Variants in SYNPR observed in about 807,000 individuals in gnomAD.
SYNPR encodes the protein synaptoporin.
SYNPR carries 23 observed loss-of-function variants against 32.9 expected under a neutral mutation model. The observed-to-expected ratio is 0.70, with a 90% CI of 0.50 to 0.99. The LOEUF (loss-of-function observed/expected upper bound fraction) is 0.99. Ranked by LOEUF, SYNPR falls within the 50% of genes least tolerant of loss-of-function variation. The probability of loss-of-function intolerance (pLI) is 0.00; values close to 1 mark genes in which losing one functional copy is unlikely to be tolerated. For missense variants in SYNPR, 318 were observed against 349.3 expected, an observed-to-expected ratio of 0.91 and a Z score of 0.71; for synonymous variants, 146 against 135.9, an observed-to-expected ratio of 1.07 and a Z score of -0.52.
At chr3:63,362,404 A>G (rs926689902) in intron 2 of SYNPR, among the ~76,000 whole-genome samples, 4 of 152,130 alleles carry the variant, frequency 2.6e-5, no homozygotes, top group African/African-American at 9.7e-5. Context: ...GCAACCACTA[A>G]GTGACAGGCA....
chr3:63,278,598 G>T, intron 1 of SYNPR, 47 bp downstream of exon 1: 1 of 1,550,740 alleles, frequency 6.4e-7, no homozygotes, highest in South Asian at 1.2e-5. Flanking sequence ...AGGGGGCGGG[G>T]GATGCCGCGG....
intron 4 of SYNPR, among the ~76,000 whole-genome samples, chr3:63,591,143 G>A (rs759508594): frequency 2.2e-3 from 333 of 150,326 alleles, no homozygotes; most frequent in Non-Finnish European, 3.5e-3. Context: ...AAAAGTGGGC[G>A]AAGGACATGA....
chr3:63,609,782 T>C (rs1378800868), intron 5 of SYNPR, among the ~76,000 whole-genome samples: 1 of 152,042 alleles, frequency 6.6e-6, no homozygotes, highest in Admixed American at 6.5e-5. Flanking sequence ...CGGTGGCTCA[T>C]GCCTATAGTC....
At chr3:63,479,370 A>G (rs1700996674) in intron 2 of SYNPR, among the ~76,000 whole-genome samples, 1 of 152,118 alleles carries the variant, frequency 6.6e-6, no homozygotes, top group South Asian at 2.1e-4. Flanking sequence ...TACAATCCTT[A>G]TATCTTTTGG....
chr3:63,514,787 C>T (rs1701764586), intron 3 of SYNPR, among the ~76,000 whole-genome samples: 3 of 152,138 alleles, frequency 2.0e-5, no homozygotes, highest in Non-Finnish European at 2.9e-5. Flanking sequence ...TAACCTTCCT[C>T]TCTTAGGATG....
intron 1 of SYNPR, among the ~76,000 whole-genome samples, chr3:63,245,323 G>A (rs968208452): frequency 2.2e-5 from 3 of 135,100 alleles, no homozygotes; most frequent in Non-Finnish European, 3.3e-5. Context: ...TGAAAGAAAT[G>A]TTATTTTTAT....
In SYNPR at chr3:63,499,528, AG is replaced by A. The variant is rs140296119; in HGVS notation, c.209+18573del. 1.7e-3 allele frequency among the ~76,000 whole-genome samples: 264 copies of A among 152,256 alleles called. 11 individuals carry two copies. In the East Asian group the frequency reaches 0.042, roughly 24 times the overall value. On this transcript the variant is annotated intron_variant, in intron 3 of 5. Coordinates refer to ENST00000478300, the MANE Select transcript of SYNPR (RefSeq NM_001130003.2). Reference sequence around the variant, plus strand: ...ACAGTCAAGACCAAAGAGGCAATGAAGAACTCTATATAAGCCAAAATTATAA... The same window carrying A: ...ACAGTCAAGACCAAAGAGGCAATGAAAACTCTATATAAGCCAAAATTATAA...
chr3:63,599,635 C>T (rs1204665239), intron 4 of SYNPR, among the ~76,000 whole-genome samples: 1 of 152,070 alleles, frequency 6.6e-6, no homozygotes, highest in African/African-American at 2.4e-5. Flanking sequence ...AGAACGTATC[C>T]CTGTCGGTTA....
intron 2 of SYNPR, among the ~76,000 whole-genome samples, chr3:63,282,684 G>GAAAAAAAAAAAAAAA (rs34234414): frequency 8.6e-6 from 1 of 115,920 alleles, no homozygotes. Flanking sequence ...CACTGTCTCA[G>GAAAAAAAAAAAAAAA]AAAAAAAAAA....
chr3:63,330,225 T>C (rs2087212871), intron 2 of SYNPR: 1 of 152,184 alleles, frequency 6.6e-6, no homozygotes, highest in Non-Finnish European at 1.5e-5. Flanking sequence ...GTCAGTTTCC[T>C]CTAGGTTCTA....
chr3:63,349,384 G>C (rs551106765), intron 2 of SYNPR, among the ~76,000 whole-genome samples: 9 of 152,300 alleles, frequency 5.9e-5, no homozygotes, highest in African/African-American at 2.2e-4. Context: ...ACAGGCGCGA[G>C]CCACCGCGCC....
rs184440392 is a variant in SYNPR at position 63,537,386 on chromosome 3, A to T, written c.210-19157A>T. On this transcript the variant is annotated intron_variant, in intron 3 of 5. Transcript: ENST00000478300. ...TTATCTCTACTAGAAAATCTCTCTG[A>T]ATCCTTAGTTCAACGTTGAATTGCA... Among the ~76,000 whole-genome samples the T allele has an allele frequency of 9.3e-3, 1,416 of 152,212 alleles. 26 individuals are homozygous for T. The highest frequency in any genetic ancestry group is 0.032 in the African/African-American group (1,342 of 41,538).
intron 4 of SYNPR, among the ~76,000 whole-genome samples, chr3:63,559,863 A>C (rs1207035940): frequency 6.6e-6 from 1 of 152,242 alleles, no homozygotes; most frequent in Non-Finnish European, 1.5e-5. Context: ...ATGCATGTTT[A>C]TTTCTGGATC....
In SYNPR at chr3:63,306,993, T is replaced by C. The variant is rs148037772; in HGVS notation, c.84+28251T>C. On this transcript the variant is annotated intron_variant, in intron 2 of 5. Transcript: ENST00000478300. ...AATAAGAATAATAATTGTCATATAC[T>C]GAATACTTGGTCTGTGCTAGGCACT... 9.2e-5 allele frequency among the ~76,000 whole-genome samples: 14 copies of C among 152,198 alleles called. No homozygotes were observed. In the East Asian group the frequency reaches 2.7e-3, roughly 30 times the overall value.
intron 2 of SYNPR, among the ~76,000 whole-genome samples, chr3:63,397,261 C>T (rs1194331958): frequency 6.6e-6 from 1 of 152,146 alleles, no homozygotes; most frequent in East Asian, 1.9e-4. Flanking sequence ...GAACCAACCA[C>T]CTAACTTGTC....
intron 2 of SYNPR, among the ~76,000 whole-genome samples, chr3:63,392,743 T>C (rs17313993): frequency 0.01 from 1,570 of 152,358 alleles, 12 homozygotes; most frequent in Non-Finnish European, 0.016. Flanking sequence ...CGGATAATGC[T>C]ATAACTCAGT....
intron 2 of SYNPR, among the ~76,000 whole-genome samples, chr3:63,457,255 T>C (rs973306103): frequency 6.6e-6 from 1 of 152,186 alleles, no homozygotes; most frequent in African/African-American, 2.4e-5. Context: ...AAACTCTGAC[T>C]ACCCCTCCCA....
At chr3:63,266,337 C>G (rs546697086) in intron 2 of SYNPR, among the ~76,000 whole-genome samples, 4 of 151,940 alleles carry the variant, frequency 2.6e-5, no homozygotes, top group African/African-American at 9.7e-5. Flanking sequence ...GTTGAAAACT[C>G]AGGTGTTTGT....
At chr3:63,430,046 A>AT (rs930667846) in intron 2 of SYNPR, among the ~76,000 whole-genome samples, 110 of 151,702 alleles carry the variant, frequency 7.3e-4, no homozygotes, top group African/African-American at 2.2e-3. Context: ...CCTTCGTCTG[A>AT]TTTTTTTTTC....
Sources: allele counts gnomAD v4.1 joint callset (sites outside exome capture counted in the v4.1 genomes callset), GRCh38; gene constraint gnomAD v4.1.1; transcripts MANE v1.5; gene names NCBI Gene and HGNC (gene_info 2026-07-23, HGNC 2026-07-21).